GPC5: variants seen among roughly 807,000 people sequenced by gnomAD.
The protein encoded by GPC5 is glypican 5.
A neutral mutation model predicts 53.9 loss-of-function variants in GPC5; 47 were observed. That is an observed-to-expected ratio of 0.87 (90% CI 0.69 to 1.11). The LOEUF (loss-of-function observed/expected upper bound fraction) is 1.11, where lower values mean the gene tolerates loss of function less well. Among genes scored for constraint, GPC5 ranks in the 50% most tolerant of loss-of-function variants. The probability of loss-of-function intolerance (pLI) is 0.00; values close to 1 mark genes in which losing one functional copy is unlikely to be tolerated. For synonymous variants in GPC5, 286 were observed against 263.3 expected, an observed-to-expected ratio of 1.09 and a Z score of -0.84; for missense variants, 748 against 713.1, an observed-to-expected ratio of 1.05 and a Z score of -0.56.
intron 6 of GPC5, among the ~76,000 whole-genome samples, chr13:92,058,692 C>T (rs549451566): frequency 2.3e-4 from 35 of 152,122 alleles, no homozygotes; most frequent in African/African-American, 2.9e-4. Flanking sequence ...TACAGGTGCC[C>T]GCCACCACAG....
chr13:91,663,082 C>T (rs2035023297), intron 2 of GPC5, among the ~76,000 whole-genome samples: 1 of 152,148 alleles, frequency 6.6e-6, no homozygotes, highest in Non-Finnish European at 1.5e-5. Flanking sequence ...TAATCAAGAT[C>T]TTCTAGTAGT....
In GPC5 at chr13:92,134,329, C is replaced by T. The variant is rs866644865; in HGVS notation, c.1402-10501C>T. On this transcript the variant is annotated intron_variant, in intron 6 of 7. Coordinates refer to ENST00000377067, the MANE Select transcript of GPC5 (RefSeq NM_004466.6). Reference sequence around the variant, plus strand: ...CCAGTGCCCTTACTTGTCATGATACCCACAACAGGCAAAGGCAGTTTCCTG... The same window carrying T: ...CCAGTGCCCTTACTTGTCATGATACTCACAACAGGCAAAGGCAGTTTCCTG... Among the ~76,000 whole-genome samples the T allele has an allele frequency of 1.2e-4, 18 of 152,172 alleles. No individual in the cohort carries two copies. The South Asian group carries it at 1.7e-3, about 14-fold the overall frequency.
intron 7 of GPC5, among the ~76,000 whole-genome samples, chr13:92,605,175 C>T (rs1884210612): frequency 6.6e-6 from 1 of 152,076 alleles, no homozygotes; most frequent in Non-Finnish European, 1.5e-5. Flanking sequence ...CAATTAATTG[C>T]CTAGTTTAAG....
At chr13:91,923,976 T>G (rs1231154930) in intron 6 of GPC5, among the ~76,000 whole-genome samples, 1 of 152,146 alleles carries the variant, frequency 6.6e-6, no homozygotes, top group Non-Finnish European at 1.5e-5. Context: ...ATACATTCAT[T>G]TTTAATTTAA....
intron 7 of GPC5, among the ~76,000 whole-genome samples, chr13:92,701,864 A>G (rs1887755648): frequency 6.6e-6 from 1 of 152,178 alleles, no homozygotes; most frequent in Non-Finnish European, 1.5e-5. Flanking sequence ...AAGAAATACT[A>G]GGGAAAATAA....
chr13:92,665,259 T>C (rs896812568), intron 7 of GPC5, among the ~76,000 whole-genome samples: 1 of 152,180 alleles, frequency 6.6e-6, no homozygotes, highest in Non-Finnish European at 1.5e-5. Context: ...GTTTAGTTTT[T>C]ATGCTTGTGG....
At position 92,271,841 on chromosome 13, in the gene GPC5, A is replaced by G. The variant is rs1200349204; in HGVS notation, c.1561+126852A>G. ...TGATTTCTTATCCTCCAGTATAAATATGGTCTGAGTAATGTTTCTTAGGCA... is the reference window on the plus strand; with the variant it reads ...TGATTTCTTATCCTCCAGTATAAATGTGGTCTGAGTAATGTTTCTTAGGCA... On this transcript the variant is annotated intron_variant, in intron 7 of 7. Coordinates refer to ENST00000377067, the MANE Select transcript of GPC5 (RefSeq NM_004466.6). 3.3e-5 allele frequency among the ~76,000 whole-genome samples: 5 copies of G among 152,212 alleles called. No homozygotes were observed. In the East Asian group the frequency reaches 9.6e-4, roughly 29 times the overall value.
At chr13:91,560,742 T>A (rs2031212217) in intron 2 of GPC5, among the ~76,000 whole-genome samples, 1 of 146,190 alleles carries the variant, frequency 6.8e-6, no homozygotes, top group African/African-American at 2.7e-5. Context: ...CTATCACACA[T>A]GTATTAATGT....
intron 7 of GPC5, among the ~76,000 whole-genome samples, chr13:92,705,332 T>G (rs563027339): frequency 2.0e-5 from 3 of 152,242 alleles, no homozygotes; most frequent in African/African-American, 7.2e-5. Flanking sequence ...TCAAGACAGG[T>G]TATTATGCAG....
intron 2 of GPC5, among the ~76,000 whole-genome samples, chr13:91,631,661 C>T (rs1006239223): frequency 6.6e-6 from 1 of 151,858 alleles, no homozygotes; most frequent in African/African-American, 2.4e-5. Flanking sequence ...TCTTTGCAAG[C>T]AGGACAAAGT....
At chr13:92,504,213 T>TA (rs1880284805) in intron 7 of GPC5, among the ~76,000 whole-genome samples, 1 of 152,058 alleles carries the variant, frequency 6.6e-6, no homozygotes, top group Admixed American at 6.6e-5. Context: ...GAACTACATT[T>TA]CTCTATAGAA....
intron 7 of GPC5, among the ~76,000 whole-genome samples, chr13:92,547,935 T>TTC (rs1336788407): frequency 6.9e-6 from 1 of 144,968 alleles, no homozygotes; most frequent in African/African-American, 2.6e-5. Context: ...GTTCACACCA[T>TTC]TCTCCTGCCA....
At chr13:92,838,340 T>C (rs7984465) in intron 7 of GPC5, among the ~76,000 whole-genome samples, 5,385 of 150,774 alleles carry the variant, frequency 0.036, 423 homozygotes, top group East Asian at 0.33. Flanking sequence ...AAAAATTAGC[T>C]GGGCGTGGTG....
At chr13:91,906,085 A>G (rs1290460846) in intron 5 of GPC5, among the ~76,000 whole-genome samples, 1 of 151,918 alleles carries the variant, frequency 6.6e-6, no homozygotes, top group Non-Finnish European at 1.5e-5. Context: ...TGTATCACTC[A>G]ATGGAGAGTC....
chr13:92,221,148 T>A (rs998345101), intron 7 of GPC5, among the ~76,000 whole-genome samples: 3 of 152,192 alleles, frequency 2.0e-5, no homozygotes, highest in Admixed American at 1.3e-4. Flanking sequence ...GACTTGCTAG[T>A]TAATAAACTT....
chr13:91,546,813 A>C (rs1300040869), intron 2 of GPC5, among the ~76,000 whole-genome samples: 1 of 152,134 alleles, frequency 6.6e-6, no homozygotes, highest in Non-Finnish European at 1.5e-5. Flanking sequence ...TTAAGTGATC[A>C]CTTTGCCTTT....
At chr13:91,571,923 GTA>G (rs1566516188) in intron 2 of GPC5, among the ~76,000 whole-genome samples, 4 of 109,658 alleles carry the variant, frequency 3.6e-5, no homozygotes, top group Non-Finnish European at 5.6e-5. Flanking sequence ...TACACATATT[GTA>G]TATATACACA....
intron 6 of GPC5, among the ~76,000 whole-genome samples, chr13:91,986,226 C>T (rs903443668): frequency 2.0e-5 from 3 of 151,756 alleles, no homozygotes; most frequent in Non-Finnish European, 2.9e-5. Context: ...CCACCATGCC[C>T]GGCTAATTTT....
intron 5 of GPC5, among the ~76,000 whole-genome samples, chr13:91,854,952 A>G (rs1165412805): frequency 6.6e-6 from 1 of 151,646 alleles, no homozygotes; most frequent in East Asian, 1.9e-4. Context: ...TTTTTTTTCT[A>G]TTCTCTAAGA....
Sources: allele counts gnomAD v4.1 joint callset (sites outside exome capture counted in the v4.1 genomes callset), GRCh38; gene constraint gnomAD v4.1.1; transcripts MANE v1.5; gene names NCBI Gene and HGNC (gene_info 2026-07-23, HGNC 2026-07-21).